Variants in SH3BGRL observed in about 807,000 individuals in gnomAD.
SH3BGRL encodes adapter SH3BGRL.
SH3BGRL carries 7 observed loss-of-function variants against 9.8 expected under a neutral mutation model. The observed-to-expected ratio is 0.72, with a 90% confidence interval of 0.41 to 1.35. The LOEUF is 1.35. Ranked by LOEUF, SH3BGRL falls within the 40% of genes most tolerant of loss-of-function variation. SH3BGRL has a pLI of 0.01. For synonymous variants in SH3BGRL, 36 were observed against 29.1 expected (o/e 1.24, Z -0.76); for missense variants, 73 against 84.4 (o/e 0.86, Z 0.53).
chrX:81,258,401 G>A (rs2075731839), intron 1 of SH3BGRL, among the ~76,000 whole-genome samples: 1 of 112,123 alleles, frequency 8.9e-6, no homozygotes. Flanking sequence ...ACTTAAACTA[G>A]GAATCCAGAA....
At chrX:81,281,426 T>C (rs1238488659) in intron 3 of SH3BGRL, among the ~76,000 whole-genome samples, 1 of 111,951 alleles carries the variant, frequency 8.9e-6, no homozygotes, top group African/African-American at 3.2e-5. Flanking sequence ...ACAGAAGCAC[T>C]AGGTAACCTA....
intron 3 of SH3BGRL, among the ~76,000 whole-genome samples, chrX:81,287,251 G>A (rs1197311494): frequency 1.8e-5 from 2 of 111,692 alleles, no homozygotes; most frequent in Non-Finnish European, 3.8e-5. Flanking sequence ...AGAAAAAAGT[G>A]GAGAAGATTT....
chrX:81,249,520 T>C (rs1463604770), intron 1 of SH3BGRL, among the ~76,000 whole-genome samples: 1 of 112,599 alleles, frequency 8.9e-6, no homozygotes. Flanking sequence ...TCATGAACCC[T>C]GTTAACCATC....
intron 1 of SH3BGRL, chrX:81,202,665 T>G (rs1412367338): frequency 5.8e-6 from 3 of 521,503 alleles, no homozygotes; most frequent in Non-Finnish European, 7.0e-6. Context: ...GGGGTACACA[T>G]GCTGTAACTG....
intron 1 of SH3BGRL, among the ~76,000 whole-genome samples, chrX:81,266,099 T>A (rs2075756226): frequency 8.9e-6 from 1 of 112,156 alleles, no homozygotes; most frequent in Non-Finnish European, 1.9e-5. Context: ...TGGGTATTAG[T>A]CCTTTATCAG....
chrX:81,293,682 C>CA (rs1027481470), intron 3 of SH3BGRL, among the ~76,000 whole-genome samples: 1 of 110,837 alleles, frequency 9.0e-6, no homozygotes, highest in Non-Finnish European at 1.9e-5. Context: ...GATTCCATCT[C>CA]AAAAAAAATG....
intron 1 of SH3BGRL, among the ~76,000 whole-genome samples, chrX:81,234,532 G>T (rs755169004): frequency 5.8e-4 from 65 of 111,993 alleles, no homozygotes; most frequent in Non-Finnish European, 1.1e-3. Flanking sequence ...GTTCTCCATT[G>T]AATTTTTTGG....
chrX:81,281,766 A>G (rs1569370043), intron 3 of SH3BGRL, among the ~76,000 whole-genome samples: 1 of 112,203 alleles, frequency 8.9e-6, no homozygotes, highest in East Asian at 2.8e-4. Flanking sequence ...CAAAAGCAAA[A>G]AACAACAATG....
intron 3 of SH3BGRL, among the ~76,000 whole-genome samples, chrX:81,288,237 G>A (rs1028394603): frequency 1.3e-4 from 14 of 111,725 alleles, no homozygotes; most frequent in African/African-American, 2.6e-4. Flanking sequence ...ATAATTCAAC[G>A]TCTTTTAAGA....
Position 81,211,431 on chromosome X carries a change from A to C in SH3BGRL, c.45+9186A>C, listed in dbSNP as rs764046943. Among the ~76,000 whole-genome samples, 3 of 111,133 alleles carry C rather than the reference A, an allele frequency of 2.7e-5. No homozygotes were observed. In the South Asian group the frequency reaches 1.1e-3, roughly 42 times the overall value. ...AAACCCCGTCTCTACTGAAAATACA[A>C]AAAAAATTAGCCGGGCGTGGTGGCG... On this transcript the variant is annotated intron_variant, in intron 1 of 3. Transcript: ENST00000373212.
rs976564816 is a variant in SH3BGRL, at chrX:81,297,901, T to C, written c.*674T>C. ...TTCATTCAGTGGACAAGTTCCTTGT[T>C]TAACTACACAGCTATGATGGAATGA... On this transcript the variant is annotated 3_prime_UTR_variant, in exon 4 of 4. Transcript: ENST00000373212. The C allele has an allele frequency of 2.7e-5, 3 of 111,862 alleles. No homozygotes were observed. The highest frequency in any genetic ancestry group is 9.7e-5 in the African/African-American group (3 of 30,836). The allele number at this position is 111,862 out of a possible 1,213,427, so 9.2% of individuals were successfully genotyped here.
At chrX:81,287,156 C>T (rs761427392) in intron 3 of SH3BGRL, among the ~76,000 whole-genome samples, 6 of 110,489 alleles carry the variant, frequency 5.4e-5, no homozygotes, top group Non-Finnish European at 7.6e-5. Context: ...AGTTACAAAT[C>T]GAAATGAAGA....
chrX:81,229,906 C>T (rs190736940), intron 1 of SH3BGRL, among the ~76,000 whole-genome samples: 18 of 111,837 alleles, frequency 1.6e-4, no homozygotes, highest in African/African-American at 5.2e-4. Context: ...GGGATAGAGC[C>T]CTAGCCAGGG....
At chrX:81,240,835 C>T (rs756207411) in intron 1 of SH3BGRL, among the ~76,000 whole-genome samples, 1 of 112,807 alleles carries the variant, frequency 8.9e-6, no homozygotes, top group African/African-American at 3.2e-5. Context: ...GTGGGGATGC[C>T]AGCTACAGTG....
At chrX:81,215,858 C>A (rs1393919329) in intron 1 of SH3BGRL, among the ~76,000 whole-genome samples, 1 of 111,617 alleles carries the variant, frequency 9.0e-6, no homozygotes, top group Non-Finnish European at 1.9e-5. Context: ...CCTTTTTATA[C>A]CGGAACATTC....
At chrX:81,267,513 T>A (rs149686380) in intron 1 of SH3BGRL, among the ~76,000 whole-genome samples, 229 of 112,034 alleles carry the variant, frequency 2.0e-3, no homozygotes, top group African/African-American at 7.1e-3. Context: ...TTACGTTTAT[T>A]GATTTCTGTG....
chrX:81,279,133 C>T (rs1224859866), intron 3 of SH3BGRL, among the ~76,000 whole-genome samples: 1 of 111,954 alleles, frequency 8.9e-6, no homozygotes, highest in Non-Finnish European at 1.9e-5. Flanking sequence ...CTTTGAACTC[C>T]AATTCCCTCT....
intron 1 of SH3BGRL, among the ~76,000 whole-genome samples, chrX:81,254,685 G>A (rs1602613212): frequency 9.0e-6 from 1 of 111,382 alleles, no homozygotes; most frequent in African/African-American, 3.3e-5. Context: ...AGTGACAGAT[G>A]TTTAACAGTT....
chrX:81,276,622 G>T (rs751707207), intron 1 of SH3BGRL, among the ~76,000 whole-genome samples: 2 of 111,205 alleles, frequency 1.8e-5, no homozygotes, highest in East Asian at 5.7e-4. Context: ...TTCTTGAAAG[G>T]CTGAAACTAA....
Sources: gnomAD v4.1 joint callset for allele counts (sites outside exome capture counted in the v4.1 genomes callset) on GRCh38, gnomAD v4.1.1 for gene constraint, MANE v1.5 for transcripts, NCBI Gene and HGNC (gene_info 2026-07-23, HGNC 2026-07-21) for gene names.